ADAMTS19: variants seen among roughly 807,000 people sequenced by gnomAD.
The protein encoded by ADAMTS19 is ADAM metallopeptidase with thrombospondin type 1 motif 19.
In ADAMTS19, 93 loss-of-function variants were observed where a neutral mutation model predicts 153.3. The observed-to-expected ratio is 0.61, with a 90% confidence interval of 0.51 to 0.72. ADAMTS19 has a LOEUF of 0.72. Ranked by LOEUF, ADAMTS19 falls within the 30% of genes least tolerant of loss-of-function variation. ADAMTS19 has a pLI of 0.00. For missense variants in ADAMTS19, 1,482 were observed against 1,552.1 expected, an observed-to-expected ratio of 0.95 and a Z score of 0.76; for synonymous variants, 600 against 556.6, an observed-to-expected ratio of 1.08 and a Z score of -1.10.
chr5:129,596,277 G>T (rs1240606965), intron 7 of ADAMTS19, among the ~76,000 whole-genome samples: 1 of 151,782 alleles, frequency 6.6e-6, no homozygotes, highest in African/African-American at 2.4e-5. Flanking sequence ...TGATGAAATT[G>T]GTATTTATAA....
chr5:129,699,698 G>A (rs537803857), intron 19 of ADAMTS19, among the ~76,000 whole-genome samples: 7 of 152,116 alleles, frequency 4.6e-5, no homozygotes, highest in South Asian at 2.1e-4. Flanking sequence ...AGGAATGGGC[G>A]TGGGGCTGGC....
chr5:129,468,416 C>T (rs371788007), intron 2 of ADAMTS19, among the ~76,000 whole-genome samples: 16 of 152,222 alleles, frequency 1.1e-4, no homozygotes, highest in Admixed American at 7.2e-4. Context: ...TGCAGTGGCA[C>T]GATGTCGGCT....
intron 8 of ADAMTS19, among the ~76,000 whole-genome samples, chr5:129,608,116 G>GTATATAAATATATATATATA (rs1751013045): frequency 2.1e-5 from 1 of 47,928 alleles, no homozygotes; most frequent in Admixed American, 2.8e-4. Context: ...GTGTGTGTGT[G>GTATATAAATATATATATATA]TATATATATA....
intron 2 of ADAMTS19, chr5:129,500,271 C>G (rs1349970200): frequency 6.6e-6 from 1 of 152,162 alleles, no homozygotes; most frequent in East Asian, 1.9e-4. Flanking sequence ...ATTCAGTGCA[C>G]TGGGCTTTCT....
chr5:129,677,438 C>T (rs1031066693), intron 16 of ADAMTS19, among the ~76,000 whole-genome samples: 35 of 151,536 alleles, frequency 2.3e-4, no homozygotes, highest in Admixed American at 5.3e-4. Context: ...GATCGGGCCA[C>T]TGCACTCCAG....
In ADAMTS19 at chr5:129,735,252, A is replaced by G. The variant is rs1422466; in HGVS notation, c.3490+143A>G. 0.15 allele frequency: 127,757 copies of G among 843,114 alleles called. 11,364 individuals are homozygous for G. Among genetic ancestry groups the G allele is most frequent in the East Asian group, 0.33 (9,931 of 30,028 alleles). The allele number at this position is 843,114 out of a possible 1,614,324, so 52.2% of individuals were successfully genotyped here. On this transcript the variant is annotated intron_variant, in intron 22 of 22. Transcript: ENST00000274487. ...TGCACTAAATTGGATCCATTTAAAT[A>G]TGATTTCGTCCAAATGGTCAGGTGG... is the stretch of plus-strand genomic sequence containing the variant.
chr5:129,522,825 G>C (rs1245703578), intron 3 of ADAMTS19, among the ~76,000 whole-genome samples: 3 of 152,054 alleles, frequency 2.0e-5, no homozygotes, highest in African/African-American at 7.2e-5. Context: ...GGAGGCCAAG[G>C]CAGGCAGATC....
chr5:129,515,333 T>C (rs1432841886), intron 3 of ADAMTS19, among the ~76,000 whole-genome samples: 3 of 151,898 alleles, frequency 2.0e-5, no homozygotes, highest in Non-Finnish European at 2.9e-5. Context: ...CTGTGAAGAA[T>C]GTCATTGGTG....
chr5:129,607,874 A>T (rs1156660173), intron 8 of ADAMTS19, among the ~76,000 whole-genome samples: 1 of 151,416 alleles, frequency 6.6e-6, no homozygotes, highest in Non-Finnish European at 1.5e-5. Context: ...ATATGAAAAC[A>T]ACCTGCATCT....
chr5:129,488,346 T>C (rs1750662574), intron 2 of ADAMTS19, among the ~76,000 whole-genome samples: 1 of 152,096 alleles, frequency 6.6e-6, no homozygotes, highest in African/African-American at 2.4e-5. Flanking sequence ...TCAGTCTTAT[T>C]GTTACCTTTT....
chr5:129,522,299 G>GTA (rs1182437821), intron 3 of ADAMTS19, among the ~76,000 whole-genome samples: 1,087 of 97,324 alleles, frequency 0.011, 10 homozygotes, highest in South Asian at 0.023. Context: ...GTGTGTGTGT[G>GTA]TATATATATA....
intron 17 of ADAMTS19, among the ~76,000 whole-genome samples, chr5:129,682,840 C>T (rs565120976): frequency 8.5e-5 from 13 of 152,050 alleles, no homozygotes; most frequent in South Asian, 4.2e-4. Context: ...TCTCCCAATC[C>T]GCACATCAAA....
At chr5:129,484,240 A>C (rs769903335) in intron 2 of ADAMTS19, among the ~76,000 whole-genome samples, 4 of 152,188 alleles carry the variant, frequency 2.6e-5, no homozygotes, top group Non-Finnish European at 5.9e-5. Context: ...CACAGATATA[A>C]ATATAGGTAA....
intron 21 of ADAMTS19, among the ~76,000 whole-genome samples, chr5:129,719,107 C>G (rs577357660): frequency 1.3e-5 from 2 of 151,898 alleles, no homozygotes; most frequent in East Asian, 3.9e-4. Flanking sequence ...AATTAAAAAA[C>G]AGACTGCTGT....
chr5:129,510,911 C>G (rs1751421356), intron 3 of ADAMTS19, among the ~76,000 whole-genome samples: 1 of 148,986 alleles, frequency 6.7e-6, no homozygotes, highest in Admixed American at 6.7e-5. Context: ...AAATGTTGAC[C>G]TACTTGGGCC....
At chr5:129,484,809 A>G (rs1053740626) in intron 2 of ADAMTS19, among the ~76,000 whole-genome samples, 2 of 152,110 alleles carry the variant, frequency 1.3e-5, no homozygotes, top group African/African-American at 2.4e-5. Context: ...ACATCTTCAT[A>G]TTTATTAAAT....
At chr5:129,572,567 A>G (rs1048400345) in intron 7 of ADAMTS19, among the ~76,000 whole-genome samples, 3 of 152,024 alleles carry the variant, frequency 2.0e-5, no homozygotes, top group African/African-American at 7.2e-5. Flanking sequence ...GTACATCCAT[A>G]CAAGGAAATG....
chr5:129,612,242 G>A (rs1192278782), intron 8 of ADAMTS19, among the ~76,000 whole-genome samples: 1 of 149,782 alleles, frequency 6.7e-6, no homozygotes, highest in Non-Finnish European at 1.5e-5. Context: ...TTTTGTCCTT[G>A]CGATAGTTTG....
chr5:129,627,092 A>G (rs1006125756), intron 10 of ADAMTS19, among the ~76,000 whole-genome samples: 1 of 152,102 alleles, frequency 6.6e-6, no homozygotes, highest in Non-Finnish European at 1.5e-5. Flanking sequence ...TCCAAGTAGG[A>G]ATGTAAGCAG....
Sources: allele counts gnomAD v4.1 joint callset (sites outside exome capture counted in the v4.1 genomes callset), GRCh38; gene constraint gnomAD v4.1.1; transcripts MANE v1.5; gene names NCBI Gene and HGNC (gene_info 2026-07-23, HGNC 2026-07-21).